DLGAP2: variants seen among roughly 807,000 people sequenced by gnomAD.
The protein encoded by DLGAP2 is DLG associated protein 2.
In DLGAP2, 26 loss-of-function variants were observed where a neutral mutation model predicts 100.3. The ratio of observed to expected loss-of-function variants is 0.26; its 90% CI spans 0.19 to 0.36. The LOEUF (loss-of-function observed/expected upper bound fraction) is 0.36, where lower values mean the gene tolerates loss of function less well. DLGAP2 is among the 10% of genes least tolerant of loss of function. DLGAP2 has a pLI of 1.00. For synonymous variants in DLGAP2, 886 were observed against 630.1 expected, an observed-to-expected ratio of 1.41 and a Z score of -6.08; for missense variants, 1,858 against 1,453.2, an observed-to-expected ratio of 1.28 and a Z score of -4.53.
chr8:1,549,391 G>C lies in DLGAP2; in HGVS notation c.938G>C (p.Ser313Thr). 6.2e-7 allele frequency: 1 copy of C among 1,613,466 alleles called. No homozygotes were observed. Among genetic ancestry groups the C allele is most frequent in the South Asian group, 1.1e-5 (1 of 91,082 alleles). Residue 313 changes from serine to threonine, a missense_variant, in exon 5 of 15, where the codon AGC becomes ACC. Physicochemically the swap from Ser to Thr is moderately conservative, Grantham distance 58 (BLOSUM62 1). Coordinates refer to ENST00000637795, the MANE Select transcript of DLGAP2 (RefSeq NM_001346810.2). ...AGCGACAGCACCTATCGGACGCCCA[G>C]CGTGCTCAACCGGCACCACCTGGGC... Reference protein sequence around the residue: ...LDSDSTYRTPSVLNRHHLGPV... With the variant: ...LDSDSTYRTPTVLNRHHLGPV...
intron 1 of DLGAP2, among the ~76,000 whole-genome samples, chr8:781,925 C>T (rs544427132): frequency 5.2e-4 from 79 of 152,168 alleles, no homozygotes; most frequent in Non-Finnish European, 1.1e-3. Flanking sequence ...CTATTCAAAA[C>T]TGGGAGCTGG....
rs1020970732 is a variant in DLGAP2 at position 1,187,275 on chromosome 8, C to T, written c.74-71576C>T. Among the ~76,000 whole-genome samples the T allele has an allele frequency of 8.6e-5, 13 of 151,788 alleles. No individual in the cohort carries two copies. In the South Asian group the frequency reaches 1.9e-3, roughly 22 times the overall value. On this transcript the variant is annotated intron_variant, in intron 2 of 14. Coordinates refer to ENST00000637795, the MANE Select transcript of DLGAP2 (RefSeq NM_001346810.2). ...TCTCACACACACGGGACCTCTGTGA[C>T]GTTTGTCTCATGGAATCTCACATGC...
chr8:1,271,307 C>T (rs955644870), intron 3 of DLGAP2, among the ~76,000 whole-genome samples: 2 of 152,084 alleles, frequency 1.3e-5, no homozygotes, highest in Non-Finnish European at 2.9e-5. Context: ...ACTCCTCAGC[C>T]GGGGGGGTGC....
At chr8:1,146,616 CGT>C (rs1215127229) in intron 2 of DLGAP2, among the ~76,000 whole-genome samples, 3 of 151,936 alleles carry the variant, frequency 2.0e-5, no homozygotes, top group African/African-American at 4.8e-5. Context: ...TGTGCATGCA[CGT>C]GTGTGCATGC....
At position 1,652,468 on chromosome 8, in the gene DLGAP2, G is replaced by GATT. The variant is rs572097751; in HGVS notation, c.1811-15860_1811-15858dup. ...AAGGAATAAATGAATGAATAAGAAGGATTCTCTCTCTGTGTGAACTACTAC... is the reference window on the plus strand; with the variant it reads ...AAGGAATAAATGAATGAATAAGAAGGATTATTCTCTCTCTGTGTGAACTACTAC... On this transcript the variant is annotated intron_variant, in intron 8 of 14. Coordinates refer to ENST00000637795, the MANE Select transcript of DLGAP2 (RefSeq NM_001346810.2). Among the ~76,000 whole-genome samples, 19 of 152,274 alleles carry GATT rather than the reference G, an allele frequency of 1.2e-4. No homozygotes were observed. The South Asian group carries it at 3.1e-3, about 25-fold the overall frequency.
At chr8:1,109,934 G>A (rs1385643589) in intron 2 of DLGAP2, among the ~76,000 whole-genome samples, 2 of 39,166 alleles carry the variant, frequency 5.1e-5, no homozygotes, top group Non-Finnish European at 1.1e-4. Flanking sequence ...GATCTGTGAG[G>A]TGTGCATAGG....
At chr8:1,555,502 C>T (rs1801933944) in intron 5 of DLGAP2, among the ~76,000 whole-genome samples, 1 of 152,214 alleles carries the variant, frequency 6.6e-6, no homozygotes, top group African/African-American at 2.4e-5. Context: ...CCACAGAATC[C>T]TCTCCCACCT....
chr8:1,577,288 G>C (rs1803019863), intron 6 of DLGAP2, among the ~76,000 whole-genome samples: 1 of 152,188 alleles, frequency 6.6e-6, no homozygotes, highest in Non-Finnish European at 1.5e-5. Context: ...TTTTTAAGGG[G>C]CTGGGCGCGG....
At chr8:1,253,358 TC>T (rs1328911758) in intron 2 of DLGAP2, among the ~76,000 whole-genome samples, 1 of 151,974 alleles carries the variant, frequency 6.6e-6, no homozygotes, top group Non-Finnish European at 1.5e-5. Context: ...TGCGCACCCC[TC>T]CCCGGGTTGG....
At chr8:1,367,179 G>A (rs1041203990) in intron 3 of DLGAP2, among the ~76,000 whole-genome samples, 3 of 152,322 alleles carry the variant, frequency 2.0e-5, no homozygotes, top group Middle Eastern at 3.4e-3. Context: ...GTTTATCTTA[G>A]GAATGGGGGG....
intron 3 of DLGAP2, among the ~76,000 whole-genome samples, chr8:1,320,826 T>C (rs886185339): frequency 3.3e-5 from 5 of 152,118 alleles, no homozygotes; most frequent in African/African-American, 1.2e-4. Context: ...GCCACCTGTG[T>C]GTGTCTGTGT....
At chr8:1,547,784 G>A (rs977694663) in intron 4 of DLGAP2, among the ~76,000 whole-genome samples, 3 of 152,160 alleles carry the variant, frequency 2.0e-5, no homozygotes, top group Admixed American at 1.3e-4. Flanking sequence ...GGAGTCAAGC[G>A]GGATTCCTCT....
At chr8:990,363 G>GATGCCCA (rs1800632708) in intron 2 of DLGAP2, among the ~76,000 whole-genome samples, 3 of 44,876 alleles carry the variant, frequency 6.7e-5, no homozygotes, top group African/African-American at 9.0e-5. Flanking sequence ...CTCCTTGCCC[G>GATGCCCA]GACCCCCTGC....
intron 2 of DLGAP2, among the ~76,000 whole-genome samples, chr8:914,453 G>A (rs548328777): frequency 6.6e-6 from 1 of 152,342 alleles, no homozygotes; most frequent in South Asian, 2.1e-4. Context: ...CTAGAACAAG[G>A]GGGTGTGGAT....
At chr8:1,475,742 C>G (rs941686925) in intron 3 of DLGAP2, among the ~76,000 whole-genome samples, 2 of 152,150 alleles carry the variant, frequency 1.3e-5, no homozygotes, top group African/African-American at 4.8e-5. Context: ...GGGAGCTCAA[C>G]AAAAGGCTTG....
chr8:1,511,793 T>C (rs113330106), intron 4 of DLGAP2, among the ~76,000 whole-genome samples: 2 of 151,408 alleles, frequency 1.3e-5, no homozygotes, highest in Admixed American at 1.3e-4. Flanking sequence ...AATCAGTAGA[T>C]GACCATCTTC....
intron 3 of DLGAP2, among the ~76,000 whole-genome samples, chr8:1,311,824 G>C (rs1800621154): frequency 6.6e-6 from 1 of 152,130 alleles, no homozygotes; most frequent in South Asian, 2.1e-4. Flanking sequence ...TGCAATAATA[G>C]AGGGAATAAA....
chr8:1,467,375 C>T (rs1346637413), intron 3 of DLGAP2, among the ~76,000 whole-genome samples: 1 of 150,828 alleles, frequency 6.6e-6, no homozygotes, highest in Non-Finnish European at 1.5e-5. Flanking sequence ...CCCCCCACAG[C>T]CCCCCAGAGC....
chr8:1,306,962 A>G (rs1585243601), intron 3 of DLGAP2, among the ~76,000 whole-genome samples: 2 of 152,308 alleles, frequency 1.3e-5, no homozygotes, highest in Middle Eastern at 3.4e-3. Context: ...AGAGAGGATA[A>G]GCTTTATGAC....
Sources: gnomAD v4.1 joint callset for allele counts (sites outside exome capture counted in the v4.1 genomes callset) on GRCh38, gnomAD v4.1.1 for gene constraint, MANE v1.5 for transcripts, NCBI Gene and HGNC (gene_info 2026-07-23, HGNC 2026-07-21) for gene names.